Variants in SERPINA12 observed in about 807,000 individuals in gnomAD.
SERPINA12 encodes serpin family A member 12.
In SERPINA12, 21 loss-of-function variants were observed where a neutral mutation model predicts 25.9. That is an observed-to-expected ratio of 0.81 (90% CI 0.58 to 1.17). The LOEUF (loss-of-function observed/expected upper bound fraction) is 1.17. SERPINA12 is among the 50% of genes most tolerant of loss of function. SERPINA12 has a pLI of 0.00. For missense variants in SERPINA12, 562 were observed against 508.3 expected, an observed-to-expected ratio of 1.11 and a Z score of -1.02; for synonymous variants, 220 against 196.0, an observed-to-expected ratio of 1.12 and a Z score of -1.02.
chr14:94,497,285 C>T (rs1900471080), intron 2 of SERPINA12, among the ~76,000 whole-genome samples: 1 of 152,182 alleles, frequency 6.6e-6, no homozygotes, highest in African/African-American at 2.4e-5. Flanking sequence ...TAAGGAGACC[C>T]ACCAAGTGAT....
At chr14:94,489,390 A>C (rs1177575440) in intron 4 of SERPINA12, among the ~76,000 whole-genome samples, 1 of 152,166 alleles carries the variant, frequency 6.6e-6, no homozygotes, top group Non-Finnish European at 1.5e-5. Flanking sequence ...TGCTACATTG[A>C]ATTGATTTCC....
At position 94,497,930 on chromosome 14, in the gene SERPINA12, G is replaced by T; in HGVS notation, c.468C>A (p.Asn156Lys). The change falls in exon 2 of 5, where the codon AAC becomes AAA. Residue 156 changes from asparagine to lysine, a missense_variant. Coordinates refer to ENST00000677451, the MANE Select transcript of SERPINA12 (RefSeq NM_001382267.1). ...PQRKFLEDAKNFYSAETILTN... is the reference protein window; with the variant it reads ...PQRKFLEDAKKFYSAETILTN... ...TAAGGATGGTTTCGGCACTGTAAAA[G>T]TTCTTGGCATCTTCCAAAAACTTAC... The T allele has an allele frequency of 6.2e-7, 1 of 1,614,180 alleles. No homozygotes were observed.
intron 3 of SERPINA12, 43 bp from the exon 4 acceptor site, chr14:94,489,810 G>T: frequency 6.3e-7 from 1 of 1,598,652 alleles, no homozygotes; most frequent in Non-Finnish European, 8.6e-7. Flanking sequence ...AAGTCCTGTT[G>T]TGTTGCAGGG....
upstream of SERPINA12, chr14:94,510,356 A>T (rs1281691731): frequency 4.6e-6 from 3 of 649,992 alleles, no homozygotes; most frequent in Non-Finnish European, 5.7e-6. Context: ...TTTGCTCAAC[A>T]TTACTAACCA....
chr14:94,516,693 A>G (rs1181852420), intron 1 of SERPINA12, among the ~76,000 whole-genome samples: 2 of 152,346 alleles, frequency 1.3e-5, no homozygotes, highest in African/African-American at 4.8e-5. Flanking sequence ...ATCACCCCCA[A>G]CATCTTCCAA....
intron 3 of SERPINA12, among the ~76,000 whole-genome samples, chr14:94,490,353 A>C (rs2139845216): frequency 6.6e-6 from 1 of 152,206 alleles, no homozygotes; most frequent in East Asian, 1.9e-4. Flanking sequence ...CCCTCCAACT[A>C]GCAGCTTCAC....
intron 3 of SERPINA12, among the ~76,000 whole-genome samples, chr14:94,492,049 G>C (rs929814873): frequency 6.6e-6 from 1 of 152,204 alleles, no homozygotes; most frequent in African/African-American, 2.4e-5. Context: ...AGGAGATTGA[G>C]GAGGGGAGAG....
At chr14:94,505,830 C>T (rs949932566) in intron 1 of SERPINA12, among the ~76,000 whole-genome samples, 42 of 152,338 alleles carry the variant, frequency 2.8e-4, no homozygotes, top group African/African-American at 9.9e-4. Flanking sequence ...TGCCTGAGTT[C>T]AGACAGTGCC....
intron 2 of SERPINA12, 114 bp from the exon 3 acceptor site, chr14:94,496,757 G>T: frequency 1.2e-6 from 1 of 861,728 alleles, no homozygotes. Flanking sequence ...GGATATTCCG[G>T]GATATCAGGG....
Position 94,497,811 on chromosome 14 carries a change from A to G in SERPINA12, c.587T>C (p.Ile196Thr). The G allele has an allele frequency of 2.5e-6, 4 of 1,613,792 alleles. No homozygotes were observed. The highest frequency in any genetic ancestry group is 2.2e-5 in the East Asian group (1 of 44,876). Reference protein sequence around the residue: ...HGKINNLIENIDPGTVMLLAN... With the variant: ...HGKINNLIENTDPGTVMLLAN... ...AAGAAGCATCACAGTGCCGGGGTCT[A>G]TATTCTCGATCAGGTTGTTAATTTT... Residue 196 changes from isoleucine (I) to threonine (T), a missense_variant, in exon 2 of 5, where the codon ATA becomes ACA. Physicochemically the swap from Ile to Thr is moderately conservative, Grantham distance 89. Coordinates refer to ENST00000677451, the MANE Select transcript of SERPINA12 (RefSeq NM_001382267.1).
chr14:94,498,375 G>T lies in SERPINA12; in HGVS notation c.23C>A (p.Ala8Asp). ...CGTGAGGAGAACAGCCAGAAAAATG[G>T]CCAGGCCTAGTGTGGGGTTCATTTT... Reference protein sequence around the residue: MNPTLGLAIFLAVLLTVK... With the variant: MNPTLGLDIFLAVLLTVK... Residue 8 changes from alanine (A) to aspartate (D), a missense_variant, in exon 2 of 5, where the codon GCC becomes GAC. Transcript: ENST00000677451. 6.2e-7 allele frequency: 1 copy of T among 1,614,022 alleles called. No individual in the cohort carries two copies. The highest frequency in any genetic ancestry group is 8.5e-7 in the Non-Finnish European group (1 of 1,179,972).
intron 1 of SERPINA12, among the ~76,000 whole-genome samples, chr14:94,507,500 G>A (rs998170133): frequency 1.3e-5 from 2 of 152,004 alleles, no homozygotes; most frequent in African/African-American, 2.4e-5. Flanking sequence ...TCTACAAATC[G>A]ACTGAAAAAA....
intron 1 of SERPINA12, among the ~76,000 whole-genome samples, chr14:94,508,712 A>G (rs1179185251): frequency 6.6e-6 from 1 of 152,248 alleles, no homozygotes; most frequent in African/African-American, 2.4e-5. Context: ...GAACATGTGT[A>G]CAAGATAGAG....
At chr14:94,495,066 T>TTTTC in intron 3 of SERPINA12, among the ~76,000 whole-genome samples, 1 of 35,946 alleles carries the variant, frequency 2.8e-5, no homozygotes, top group Non-Finnish European at 8.8e-5. Flanking sequence ...TTCCCTTTCT[T>TTTTC]TTTTTTTTTT....
exon 1 of SERPINA12, chr14:94,517,708 T>A (rs1901270517): frequency 6.6e-6 from 1 of 152,078 alleles, no homozygotes; most frequent in South Asian, 2.1e-4. Flanking sequence ...TGTTCTGGAG[T>A]AGAGCCTGCT....
chr14:94,509,154 C>T (rs1901034502), intron 1 of SERPINA12, among the ~76,000 whole-genome samples, 188 bp downstream of exon 1: 3 of 152,140 alleles, frequency 2.0e-5, no homozygotes, highest in Admixed American at 2.0e-4. Flanking sequence ...AGCACAGACC[C>T]ATGGAACTCT....
intron 1 of SERPINA12, among the ~76,000 whole-genome samples, chr14:94,505,597 C>A (rs765642147): frequency 6.6e-6 from 1 of 152,178 alleles, no homozygotes; most frequent in Non-Finnish European, 1.5e-5. Flanking sequence ...GGTGGAAGAT[C>A]AGAGCCAGTG....
upstream of SERPINA12, chr14:94,511,841 T>C: frequency 2.0e-6 from 1 of 501,898 alleles, no homozygotes; most frequent in Non-Finnish European, 2.6e-6. Flanking sequence ...GTCACGCCTG[T>C]ACTCCTAGCA....
At chr14:94,511,626 T>C, upstream of SERPINA12, 6 of 985,394 alleles carry the variant, frequency 6.1e-6, no homozygotes, top group Non-Finnish European at 7.2e-6. Context: ...CCATTCGACT[T>C]CTCCTTTGGA....
Sources: allele counts gnomAD v4.1 joint callset (sites outside exome capture counted in the v4.1 genomes callset), GRCh38; gene constraint gnomAD v4.1.1; transcripts MANE v1.5; gene names NCBI Gene and HGNC (gene_info 2026-07-23, HGNC 2026-07-21).